The following LARP7 variants were observed in gnomAD, a reference collection of about 807,000 sequenced individuals.
The protein encoded by LARP7 is la-related protein 7.
LARP7 carries 52 observed loss-of-function variants against 69.3 expected under a neutral mutation model. That is an observed-to-expected ratio of 0.75 (90% confidence interval 0.60 to 0.95). The LOEUF (loss-of-function observed/expected upper bound fraction) is 0.95. Among genes scored for constraint, LARP7 ranks in the 40% least tolerant of loss-of-function variants. LARP7 has a pLI of 0.00. For missense variants in LARP7, 733 were observed against 673.0 expected, an observed-to-expected ratio of 1.09 and a Z score of -0.99; for synonymous variants, 254 against 215.9, an observed-to-expected ratio of 1.18 and a Z score of -1.55.
intron 1 of LARP7, among the ~76,000 whole-genome samples, chr4:112,642,090 T>C (rs1488594516): frequency 6.6e-6 from 1 of 152,190 alleles, no homozygotes; most frequent in East Asian, 1.9e-4. Context: ...GTTTGGAAGC[T>C]ATATGAAGAA....
At chr4:112,655,104 G>C (rs1179969140) in intron 12 of LARP7, among the ~76,000 whole-genome samples, 1 of 151,570 alleles carries the variant, frequency 6.6e-6, no homozygotes, top group Non-Finnish European at 1.5e-5. Context: ...TGTGAATTTT[G>C]TTTCCTTGAA....
Position 112,653,165 on chromosome 4 carries a change from A to T in LARP7, c.1505A>T (p.Asp502Val). ...ECHARFKTPEDAQAVINAYTE... is the reference protein window; with the variant it reads ...ECHARFKTPEVAQAVINAYTE... ...CATGCTAGATTTAAAACTCCTGAGG[A>T]TGCTCAAGCAGTAATAAATGCCTAT... Residue 502 changes from aspartate to valine, a missense_variant, in exon 11 of 13, where the codon GAT becomes GTT. Transcript: ENST00000344442. 1.2e-6 allele frequency: 2 copies of T among 1,610,302 alleles called. No individual in the cohort carries two copies. The highest frequency in any genetic ancestry group is 4.5e-5 in the East Asian group (2 of 44,686).
In LARP7 at chr4:112,647,557, T is replaced by C; in HGVS notation, c.997+8T>C. The C allele has an allele frequency of 6.4e-7, 1 of 1,570,976 alleles. No homozygotes were observed. Among genetic ancestry groups the C allele is most frequent in the Non-Finnish European group, 8.6e-7 (1 of 1,159,038 alleles). On this transcript the variant is annotated splice_region_variant and intron_variant, in intron 7 of 12. Transcript: ENST00000344442. Reference sequence around the variant, plus strand: ...CTTCCAAGGAAAATAGAGGTAAAACTACAAGGTTTTAATTAGATAAAACTA... The same window carrying C: ...CTTCCAAGGAAAATAGAGGTAAAACCACAAGGTTTTAATTAGATAAAACTA...
intron 8 of LARP7, among the ~76,000 whole-genome samples, chr4:112,649,076 G>A (rs780413876): frequency 6.6e-6 from 1 of 152,056 alleles, no homozygotes; most frequent in Non-Finnish European, 1.5e-5. Context: ...CATGTTAAAT[G>A]TATGTAAATA....
chr4:112,646,944 A>G lies in LARP7; in HGVS notation c.541A>G (p.Lys181Glu), dbSNP rs1303748178. ...ATTTGAAACAAAAGAACAAGCAGCA[A>G]AAGCAATTGAGGTAAGTCCAGATCC... ...VEFETKEQAA[K>E]AIEFLNNPPE... The change falls in exon 5 of 13, where the codon AAA becomes GAA. Residue 181 changes from lysine to glutamate, a missense_variant. Coordinates refer to ENST00000344442, the MANE Select transcript of LARP7 (RefSeq NM_016648.4). 5 of 1,604,678 alleles carry G rather than the reference A, an allele frequency of 3.1e-6. No homozygotes were observed. In the African/African-American group the frequency reaches 6.7e-5, roughly 22 times the overall value.
intron 10 of LARP7, among the ~76,000 whole-genome samples, chr4:112,652,793 C>T (rs2048804750): frequency 6.6e-6 from 1 of 151,020 alleles, no homozygotes; most frequent in African/African-American, 2.4e-5. Flanking sequence ...CTGCTTTCTG[C>T]TCTATAAATC....
intron 1 of LARP7, among the ~76,000 whole-genome samples, chr4:112,640,084 A>G (rs2047902189): frequency 6.6e-6 from 1 of 152,088 alleles, no homozygotes. Flanking sequence ...CATTACAGGC[A>G]TGGGCCACCA....
chr4:112,651,130 C>T (rs1214702224), intron 10 of LARP7, among the ~76,000 whole-genome samples: 1 of 152,168 alleles, frequency 6.6e-6, no homozygotes, highest in Non-Finnish European at 1.5e-5. Flanking sequence ...CTTATTTACC[C>T]TTACCCTGCC....
Position 112,644,872 on chromosome 4 carries a change from G to T in LARP7, c.202+1G>T. 1 of 1,533,216 alleles carries T rather than the reference G, an allele frequency of 6.5e-7. No homozygotes were observed. The highest frequency in any genetic ancestry group is 1.3e-5 in the South Asian group (1 of 79,154). 95.0% of individuals were successfully genotyped at this position (1,533,216 alleles called of 1,614,324 possible). A position where few individuals can be genotyped will look rare whatever the true frequency, so the allele number is the denominator to read the frequency against. On this transcript the variant is annotated splice_donor_variant, in intron 2 of 12. Transcript: ENST00000344442. LOFTEE classifies it high-confidence loss of function. ...CAGATAGAAAAATCTAGAGATGGATGTAAGTTTGCTTCAGTAAAGGAACCA... is the reference window on the plus strand; with the variant it reads ...CAGATAGAAAAATCTAGAGATGGATTTAAGTTTGCTTCAGTAAAGGAACCA...
rs2149265952 is a variant in LARP7, at chr4:112,647,294, A to G, written c.742A>G (p.Ile248Val). ...AAACATGGACACAAGCAACACCAGC[A>G]TCAGTAAAATGAAAAGATCCAGACC... ...EENMDTSNTS[I>V]SKMKRSRPTS... is the part of the protein sequence containing the mutation. Residue 248 changes from isoleucine to valine, a missense_variant, in exon 7 of 13, where the codon ATC (isoleucine) becomes GTC (valine). Ile to Val is a conservative substitution (Grantham distance 29, BLOSUM62 3). Transcript: ENST00000344442. The G allele has an allele frequency of 7.4e-6, 12 of 1,614,060 alleles. No individual in the cohort carries two copies. The highest frequency in any genetic ancestry group is 9.3e-6 in the Non-Finnish European group (11 of 1,180,030).
chr4:112,650,460 G>C lies in LARP7; in HGVS notation c.1295-1G>C. ...CCTGGTCTTTTTCCTTTTCTAATCA[G>C]CAGCCAACAGGGAAGAGTGTCGCAC... On this transcript the variant is annotated splice_acceptor_variant, in intron 9 of 12. Transcript: ENST00000344442. LOFTEE classifies it high-confidence loss of function. The C allele has an allele frequency of 6.2e-7, 1 of 1,613,438 alleles. No individual in the cohort carries two copies. Among genetic ancestry groups the C allele is most frequent in the Non-Finnish European group, 8.5e-7 (1 of 1,179,604 alleles).
At chr4:112,654,246 G>T in intron 12 of LARP7, 87 bp downstream of exon 12, 1 of 941,000 alleles carries the variant, frequency 1.1e-6, no homozygotes, top group East Asian at 2.5e-5. Flanking sequence ...TAAAATGATC[G>T]TAGTTTTGCT....
At chr4:112,646,292 TACCAAA>T (rs2048231096) in intron 2 of LARP7, 53 bp from the exon 3 acceptor site, 1 of 870,514 alleles carries the variant, frequency 1.1e-6, no homozygotes, top group Non-Finnish European at 1.8e-6. Context: ...GGTTAAATTG[TACCAAA>T]TTGAATTAAT....
rs2048614871 is a variant in LARP7 at position 112,649,692 on chromosome 4, G to C, written c.1294+6G>C. ...TGGAATGAAAAATGAAAAAAGTAAAGATCACTGATAGTTTTGACAACATTA... is the reference window on the plus strand; with the variant it reads ...TGGAATGAAAAATGAAAAAAGTAAACATCACTGATAGTTTTGACAACATTA... On this transcript the variant is annotated splice_donor_region_variant and intron_variant, in intron 9 of 12. Transcript: ENST00000344442. 1.3e-6 allele frequency: 2 copies of C among 1,576,588 alleles called. No individual in the cohort carries two copies. Among genetic ancestry groups the C allele is most frequent in the East Asian group, 2.3e-5 (1 of 44,052 alleles).
At position 112,654,139 on chromosome 4, in the gene LARP7, A is replaced by G. The variant is rs1162393127; in HGVS notation, c.1648A>G (p.Lys550Glu). Residue 550 changes from lysine (K) to glutamate (E), a missense_variant, in exon 12 of 13, where the codon AAG becomes GAG. Lys to Glu is a moderately conservative substitution (Grantham distance 56). Coordinates refer to ENST00000344442, the MANE Select transcript of LARP7 (RefSeq NM_016648.4). ...GGCAAAACTTAATCAGCCTCGGGAA[A>G]AGAAAAGAGGCACTGAAAAGGTAAT... is the stretch of plus-strand genomic sequence containing the variant. ...RQAKLNQPREKKRGTEKLITK... is the reference protein window; with the variant it reads ...RQAKLNQPREEKRGTEKLITK... 1.9e-6 allele frequency: 3 copies of G among 1,613,630 alleles called. No homozygotes were observed. Among genetic ancestry groups the G allele is most frequent in the East Asian group, 2.2e-5 (1 of 44,814 alleles).
In LARP7 at chr4:112,657,116, T is replaced by C. The variant is rs533452208; in HGVS notation, c.1669-131T>C. ...TCTCATTTGTCATCTTCTCGCTGTT[T>C]TTAAAAAATTTCCATTTAAGCTGAT... is the stretch of plus-strand genomic sequence containing the variant. On this transcript the variant is annotated intron_variant, in intron 12 of 12. Coordinates refer to ENST00000344442, the MANE Select transcript of LARP7 (RefSeq NM_016648.4). The C allele has an allele frequency of 9.3e-4, 399 of 431,258 alleles. 1 individual carries two copies. Among genetic ancestry groups the C allele is most frequent in the Non-Finnish European group, 1.5e-3 (347 of 238,164 alleles). The allele number at this position is 431,258 out of a possible 1,614,324, so 26.7% of individuals were successfully genotyped here. A position where few individuals can be genotyped will look rare whatever the true frequency, so the allele number is the denominator to read the frequency against.
At position 112,647,212 on chromosome 4, in the gene LARP7, GAAA is replaced by G. The variant is rs2048336557; in HGVS notation, c.663_665del (p.Lys225del). ...GCACTTTTACAGAAGAGAAGAAAAA[GAAA>G]AAGAAGAAGAAAGGCCGAATGAAAA... is the stretch of plus-strand genomic sequence containing the variant. On this transcript the variant is annotated inframe_deletion, in exon 7 of 13. Transcript: ENST00000344442. 3 of 1,588,490 alleles carry G rather than the reference GAAA, an allele frequency of 1.9e-6. No homozygotes were observed. The highest frequency in any genetic ancestry group is 2.6e-6 in the Non-Finnish European group (3 of 1,173,098).
chr4:112,639,629 G>A (rs1380792067), intron 1 of LARP7, among the ~76,000 whole-genome samples: 5 of 152,040 alleles, frequency 3.3e-5, no homozygotes, highest in African/African-American at 9.7e-5. Context: ...TTTGACAGAA[G>A]CATCACAAAA....
intron 8 of LARP7, among the ~76,000 whole-genome samples, chr4:112,649,300 A>G (rs1237202115): frequency 1.3e-5 from 2 of 152,196 alleles, no homozygotes; most frequent in Non-Finnish European, 2.9e-5. Flanking sequence ...CAGACACTCA[A>G]AAATTTAATT....
Sources: gnomAD v4.1 joint callset for allele counts (sites outside exome capture counted in the v4.1 genomes callset) on GRCh38, gnomAD v4.1.1 for gene constraint, MANE v1.5 for transcripts, NCBI Gene and HGNC (gene_info 2026-07-23, HGNC 2026-07-21) for gene names.